SLC24A2: variants seen among roughly 807,000 people sequenced by gnomAD.
SLC24A2 encodes solute carrier family 24 member 2.
SLC24A2 carries 36 observed loss-of-function variants against 62.0 expected under a neutral mutation model. The ratio of observed to expected loss-of-function variants is 0.58; its 90% CI spans 0.44 to 0.77. SLC24A2 has a LOEUF of 0.77. SLC24A2 is among the 30% of genes least tolerant of loss of function. The pLI is 0.00. For synonymous variants in SLC24A2, 358 were observed against 294.0 expected (o/e 1.22, Z -2.23); for missense variants, 846 against 817.9 (o/e 1.03, Z -0.42).
the SLC24A2 span, among the ~76,000 whole-genome samples, chr9:20,061,799 C>A: frequency 4.0e-5 from 6 of 151,620 alleles, no homozygotes; most frequent in East Asian, 1.2e-3. Flanking sequence ...AGGTTAAAAC[C>A]AAAGCACAAG....
At chr9:20,183,980 A>C in the SLC24A2 span, among the ~76,000 whole-genome samples, 1 of 152,204 alleles carries the variant, frequency 6.6e-6, no homozygotes, top group Non-Finnish European at 1.5e-5. Flanking sequence ...AGAGAAATAC[A>C]ATTACAGAAT....
chr9:19,525,157 T>C (rs1265679200), intron 9 of SLC24A2, among the ~76,000 whole-genome samples: 1 of 152,112 alleles, frequency 6.6e-6, no homozygotes, highest in African/African-American at 2.4e-5. Flanking sequence ...CCAATGATTT[T>C]TTGGAAATAT....
At chr9:19,916,986 T>TTTTTG in the SLC24A2 span, among the ~76,000 whole-genome samples, 1 of 146,552 alleles carries the variant, frequency 6.8e-6, no homozygotes, top group Non-Finnish European at 1.5e-5. Flanking sequence ...TACCTGTTTT[T>TTTTTG]TTTTTTTTTT....
At chr9:20,148,609 T>G in the SLC24A2 span, among the ~76,000 whole-genome samples, 1 of 152,168 alleles carries the variant, frequency 6.6e-6, no homozygotes, top group African/African-American at 2.4e-5. Context: ...TTAGCGAATG[T>G]CATTCTTGAC....
chr9:19,735,269 C>G (rs994108249), intron 2 of SLC24A2, among the ~76,000 whole-genome samples: 7 of 152,160 alleles, frequency 4.6e-5, no homozygotes, highest in African/African-American at 1.7e-4. Context: ...CTCATCATCA[C>G]TGGCCATCAG....
chr9:19,712,215 G>A (rs897397915), intron 2 of SLC24A2, among the ~76,000 whole-genome samples: 1 of 152,202 alleles, frequency 6.6e-6, no homozygotes, highest in African/African-American at 2.4e-5. Context: ...ATGTGATGTG[G>A]CTAGTACACT....
At chr9:19,796,519 G>A in the SLC24A2 span, among the ~76,000 whole-genome samples, 2 of 152,272 alleles carry the variant, frequency 1.3e-5, no homozygotes, top group East Asian at 3.9e-4. Flanking sequence ...TTTGCTTTTT[G>A]GAGCACAGCC....
the SLC24A2 span, among the ~76,000 whole-genome samples, chr9:20,229,997 C>G: frequency 6.7e-6 from 1 of 149,318 alleles, no homozygotes; most frequent in African/African-American, 2.5e-5. Flanking sequence ...GGTTTTTTGT[C>G]CTTGTGATAG....
the SLC24A2 span, among the ~76,000 whole-genome samples, chr9:20,045,745 C>T: frequency 3.9e-5 from 6 of 152,084 alleles, no homozygotes; most frequent in Non-Finnish European, 7.3e-5. Context: ...GTTATTAATA[C>T]TATGTGCCAC....
At chr9:19,619,843 C>T in intron 3 of SLC24A2, 151 bp from the exon 4 acceptor site, 3 of 698,464 alleles carry the variant, frequency 4.3e-6, no homozygotes, top group East Asian at 2.7e-5. Flanking sequence ...TTTCAAAGCC[C>T]CTGAGGGAAT....
chr9:19,780,821 C>A (rs1402614822), intron 2 of SLC24A2, among the ~76,000 whole-genome samples: 1 of 143,030 alleles, frequency 7.0e-6, no homozygotes, highest in South Asian at 2.2e-4. Flanking sequence ...TGCAGCGAGC[C>A]GAGATCGCGC....
At chr9:19,740,203 A>G (rs1821631925) in intron 2 of SLC24A2, among the ~76,000 whole-genome samples, 1 of 152,184 alleles carries the variant, frequency 6.6e-6, no homozygotes, top group South Asian at 2.1e-4. Context: ...TACGTATCCT[A>G]AGACCCAGCA....
chr9:19,569,265 G>C (rs1487508119), intron 7 of SLC24A2, among the ~76,000 whole-genome samples: 1 of 152,192 alleles, frequency 6.6e-6, no homozygotes, highest in African/African-American at 2.4e-5. Flanking sequence ...TACAGAAACA[G>C]GCTGCAGGCC....
At chr9:20,196,216 A>C in the SLC24A2 span, among the ~76,000 whole-genome samples, 6 of 152,302 alleles carry the variant, frequency 3.9e-5, no homozygotes, top group East Asian at 1.2e-3. Context: ...TGAATCTGAA[A>C]TCCATCTTTT....
At chr9:19,895,986 A>C in the SLC24A2 span, 1 of 1,593,884 alleles carries the variant, frequency 6.3e-7, no homozygotes, top group South Asian at 1.1e-5. Flanking sequence ...GCTCAGGGAC[A>C]CAAGGTGCCT....
At chr9:19,867,616 A>C in the SLC24A2 span, among the ~76,000 whole-genome samples, 82,441 of 152,038 alleles carry the variant, frequency 0.54, 24,807 homozygotes, top group Non-Finnish European at 0.68. Context: ...TTAATCATAA[A>C]AACAACTTTC....
the SLC24A2 span, among the ~76,000 whole-genome samples, chr9:20,143,615 G>C: frequency 6.6e-6 from 1 of 152,132 alleles, no homozygotes; most frequent in Admixed American, 6.5e-5. Context: ...AAATACATGA[G>C]TGTTTATTGA....
chr9:19,866,288 T>G, the SLC24A2 span, among the ~76,000 whole-genome samples: 2 of 152,236 alleles, frequency 1.3e-5, no homozygotes, highest in South Asian at 2.1e-4. Flanking sequence ...GAGAACAGTT[T>G]GGAGATTCCT....
intron 2 of SLC24A2, among the ~76,000 whole-genome samples, chr9:19,746,083 T>C (rs1299153778): frequency 6.6e-6 from 1 of 150,996 alleles, no homozygotes; most frequent in Non-Finnish European, 1.5e-5. Flanking sequence ...TGCATTTCCC[T>C]CCTCCAATCT....
Sources: gnomAD v4.1 joint callset for allele counts (sites outside exome capture counted in the v4.1 genomes callset) on GRCh38, gnomAD v4.1.1 for gene constraint, MANE v1.5 for transcripts, NCBI Gene and HGNC (gene_info 2026-07-23, HGNC 2026-07-21) for gene names.